Variants in CLCN5 observed in about 807,000 individuals in gnomAD.
CLCN5 encodes the protein Cl-/H+ antiporter 5.
In CLCN5, 17 loss-of-function variants were observed where a neutral mutation model predicts 54.0. The ratio of observed to expected loss-of-function variants is 0.31; its 90% CI spans 0.22 to 0.47. The LOEUF (loss-of-function observed/expected upper bound fraction) is 0.47, where lower values mean the gene tolerates loss of function less well. CLCN5 is among the 20% of genes least tolerant of loss of function. The pLI, the probability that CLCN5 is intolerant of heterozygous loss-of-function variation, is 1.00. For synonymous variants in CLCN5, 222 were observed against 233.0 expected (o/e 0.95, Z 0.43); for missense variants, 448 against 646.7 (o/e 0.69, Z 3.33).
intron 3 of CLCN5, among the ~76,000 whole-genome samples, chrX:50,010,174 T>TC (rs1418974706): frequency 9.0e-6 from 1 of 110,883 alleles, no homozygotes; most frequent in Non-Finnish European, 1.9e-5. Context: ...CTTCCTTCCT[T>TC]CTTTTCTTTT....
intron 3 of CLCN5, among the ~76,000 whole-genome samples, chrX:50,025,340 C>T (rs895747924): frequency 5.0e-5 from 4 of 80,797 alleles, no homozygotes; most frequent in Middle Eastern, 5.6e-3. Context: ...CTTCGGCTCG[C>T]GCACGGTGCG....
At chrX:49,941,813 T>C (rs1310841248) in intron 3 of CLCN5, among the ~76,000 whole-genome samples, 1 of 109,923 alleles carries the variant, frequency 9.1e-6, no homozygotes, top group Non-Finnish European at 1.9e-5. Context: ...TTTTCCTTTC[T>C]CACAATTGTT....
intron 9 of CLCN5, among the ~76,000 whole-genome samples, chrX:50,082,316 CT>C (rs781952945): frequency 2.0e-3 from 202 of 101,279 alleles, no homozygotes; most frequent in Non-Finnish European, 1.7e-3. Flanking sequence ...ACTGGTTTTA[CT>C]TTTTTTTTTT....
chrX:50,058,536 C>T (rs1388397861), intron 4 of CLCN5, among the ~76,000 whole-genome samples: 2 of 110,711 alleles, frequency 1.8e-5, no homozygotes, highest in African/African-American at 6.6e-5. Context: ...TAAATACATT[C>T]ATTTATATGC....
intron 3 of CLCN5, among the ~76,000 whole-genome samples, chrX:50,011,499 A>G (rs782415585): frequency 8.9e-6 from 1 of 111,994 alleles, no homozygotes; most frequent in South Asian, 3.7e-4. Context: ...GAAATTCTCA[A>G]ATGTCCCCAA....
chrX:49,937,698 G>A (rs782625419), intron 3 of CLCN5, among the ~76,000 whole-genome samples: 2 of 111,992 alleles, frequency 1.8e-5, no homozygotes, highest in South Asian at 7.4e-4. Flanking sequence ...TAACTAAACA[G>A]CATAGTAATT....
chrX:49,931,706 A>G lies in CLCN5; in HGVS notation c.16+6392A>G, dbSNP rs141596514. On this transcript the variant is annotated intron_variant, in intron 3 of 14. Transcript: ENST00000376091. ...GGAGTTCAAGACTAGCGTGGGCAAC[A>G]TAGATTCCATCTCTACTAAAAGAAA... Among the ~76,000 whole-genome samples, 545 of 110,143 alleles carry G rather than the reference A, an allele frequency of 4.9e-3. 5 individuals carry two copies. Among genetic ancestry groups the G allele is most frequent in the African/African-American group, 0.017 (512 of 30,213 alleles).
At chrX:50,091,342 C>G (rs1557194799) in intron 14 of CLCN5, among the ~76,000 whole-genome samples, 1 of 112,166 alleles carries the variant, frequency 8.9e-6, no homozygotes, top group African/African-American at 3.2e-5. Flanking sequence ...AGTCTTCTGA[C>G]TCCCAAGCCC....
chrX:50,059,824 C>A (rs1932822070), intron 4 of CLCN5, among the ~76,000 whole-genome samples: 1 of 108,572 alleles, frequency 9.2e-6, no homozygotes, highest in African/African-American at 3.4e-5. Context: ...AACACATGAA[C>A]TTTCATTAAA....
At chrX:50,083,110 A>G (rs1156371792) in intron 9 of CLCN5, among the ~76,000 whole-genome samples, 1 of 110,704 alleles carries the variant, frequency 9.0e-6, no homozygotes, top group South Asian at 3.9e-4. Flanking sequence ...AAGAAGTCAC[A>G]TATGGAATGG....
chrX:49,960,645 C>A (rs782787861), intron 3 of CLCN5, among the ~76,000 whole-genome samples: 1 of 110,193 alleles, frequency 9.1e-6, no homozygotes, highest in South Asian at 4.0e-4. Flanking sequence ...TTAATATCAT[C>A]TTTTCCAAGG....
At chrX:50,007,429 C>G (rs1056593804) in intron 3 of CLCN5, among the ~76,000 whole-genome samples, 1 of 99,876 alleles carries the variant, frequency 1.0e-5, no homozygotes, top group Non-Finnish European at 1.9e-5. Flanking sequence ...CTCTCTCTCT[C>G]TCTCTCTCTG....
chrX:50,025,687 T>C (rs1163555017), intron 3 of CLCN5, among the ~76,000 whole-genome samples: 1 of 111,519 alleles, frequency 9.0e-6, no homozygotes, highest in Non-Finnish European at 1.9e-5. Context: ...CTCTCTCATT[T>C]GCACTCTGTT....
At chrX:50,080,841 C>A in intron 8 of CLCN5, 125 bp downstream of exon 8, 1 of 585,765 alleles carries the variant, frequency 1.7e-6, no homozygotes, top group Non-Finnish European at 2.8e-6. Flanking sequence ...ATCCTGAGGC[C>A]ATCTAAGACC....
At chrX:50,043,728 T>C (rs1557187486) in intron 4 of CLCN5, among the ~76,000 whole-genome samples, 1 of 112,023 alleles carries the variant, frequency 8.9e-6, no homozygotes, top group Non-Finnish European at 1.9e-5. Context: ...GTTTGTCTCT[T>C]TTAACTTTTT....
chrX:50,038,217 G>T, intron 3 of CLCN5, among the ~76,000 whole-genome samples: 2 of 111,811 alleles, frequency 1.8e-5, no homozygotes, highest in Admixed American at 1.9e-4. Context: ...TATATAAATT[G>T]AATATAATTT....
chrX:50,077,619 AGAGT>A (rs1362733357), intron 7 of CLCN5, among the ~76,000 whole-genome samples: 28 of 88,373 alleles, frequency 3.2e-4, no homozygotes, highest in African/African-American at 7.9e-4. Context: ...AGAGAGAGAG[AGAGT>A]GTGTGTGTGT....
intron 3 of CLCN5, among the ~76,000 whole-genome samples, chrX:49,941,637 C>T (rs1338973876): frequency 9.0e-6 from 1 of 111,021 alleles, no homozygotes; most frequent in African/African-American, 3.3e-5. Context: ...CTGCCTCGTT[C>T]TCTAGACATA....
chrX:50,000,619 C>T (rs187263334), intron 3 of CLCN5, among the ~76,000 whole-genome samples: 1 of 111,814 alleles, frequency 8.9e-6, no homozygotes, highest in African/African-American at 3.3e-5. Flanking sequence ...TGGTTAGGCC[C>T]ACTGTCTTGG....
Sources: gnomAD v4.1 joint callset for allele counts (sites outside exome capture counted in the v4.1 genomes callset) on GRCh38, gnomAD v4.1.1 for gene constraint, MANE v1.5 for transcripts, NCBI Gene and HGNC (gene_info 2026-07-23, HGNC 2026-07-21) for gene names.